Variants in RSU1 observed in about 807,000 individuals in gnomAD.
The protein encoded by RSU1 is rsu-1.
RSU1 carries 26 observed loss-of-function variants against 31.1 expected under a neutral mutation model. The observed-to-expected ratio is 0.84, with a 90% CI of 0.61 to 1.16. The LOEUF is 1.16. Ranked by LOEUF, RSU1 falls within the 50% of genes most tolerant of loss-of-function variation. The probability of loss-of-function intolerance (pLI) is 0.00; values close to 1 mark genes in which losing one functional copy is unlikely to be tolerated. For missense variants in RSU1, 320 were observed against 339.1 expected (o/e 0.94, Z 0.44); for synonymous variants, 164 against 136.3 (o/e 1.20, Z -1.41).
At chr10:16,656,102 T>A (rs1392053461) in intron 8 of RSU1, among the ~76,000 whole-genome samples, 1 of 152,146 alleles carries the variant, frequency 6.6e-6, no homozygotes, top group Non-Finnish European at 1.5e-5. Context: ...AAAAAATAAA[T>A]TAGGTTGCAC....
intron 7 of RSU1, among the ~76,000 whole-genome samples, chr10:16,728,587 C>T (rs1052394639): frequency 6.6e-6 from 1 of 152,154 alleles, no homozygotes; most frequent in African/African-American, 2.4e-5. Flanking sequence ...GGGGTGATGG[C>T]TCCCCAAATA....
intron 8 of RSU1, among the ~76,000 whole-genome samples, chr10:16,627,033 C>T (rs1834170387): frequency 6.6e-6 from 1 of 152,214 alleles, no homozygotes; most frequent in African/African-American, 2.4e-5. Flanking sequence ...TATTCCTGTG[C>T]AAATGAGGTG....
intron 2 of RSU1, among the ~76,000 whole-genome samples, chr10:16,792,133 A>C (rs1837931172): frequency 6.6e-6 from 1 of 152,182 alleles, no homozygotes; most frequent in Non-Finnish European, 1.5e-5. Context: ...AGGTTCTGTA[A>C]CGTTGGTCAT....
chr10:16,607,242 C>T (rs1330553930), intron 8 of RSU1, among the ~76,000 whole-genome samples: 1 of 152,284 alleles, frequency 6.6e-6, no homozygotes, highest in African/African-American at 2.4e-5. Context: ...TCTAAGTTTC[C>T]TGAGACCTCC....
chr10:16,699,468 C>T (rs996255330), intron 7 of RSU1, among the ~76,000 whole-genome samples: 10 of 152,236 alleles, frequency 6.6e-5, no homozygotes, highest in Non-Finnish European at 1.0e-4. Flanking sequence ...CAGAGCTCGT[C>T]TGTCAGCTGT....
chr10:16,811,609 C>T (rs1039552157), intron 2 of RSU1, among the ~76,000 whole-genome samples: 3 of 152,206 alleles, frequency 2.0e-5, no homozygotes, highest in Non-Finnish European at 4.4e-5. Context: ...AATGCCATTA[C>T]CGATTCAGTC....
intron 8 of RSU1, among the ~76,000 whole-genome samples, chr10:16,623,957 G>T (rs1834114431): frequency 6.6e-6 from 1 of 152,080 alleles, no homozygotes; most frequent in South Asian, 2.1e-4. Flanking sequence ...TGGCTCCTTA[G>T]ATCTTAGACC....
At position 16,752,933 on chromosome 10, in the gene RSU1, G is replaced by A. The variant is rs1262491357; in HGVS notation, c.468C>T (p.Leu156=). 6.2e-7 allele frequency: 1 copy of A among 1,613,888 alleles called. No homozygotes were observed. The highest frequency in any genetic ancestry group is 1.1e-5 in the South Asian group (1 of 91,074). The change falls in exon 6 of 9, where the codon CTC becomes CTT. Residue 156 remains leucine (L), a synonymous_variant. Transcript: ENST00000345264. ...AATTACTTACTATCTGCAACTTTGT[G>A]AGCTTCCCAATATCTGGCGGCAGGA... ...FEILPPDIGK[L]TKLQILSLRD...
At chr10:16,770,135 T>C (rs1173547195) in intron 3 of RSU1, among the ~76,000 whole-genome samples, 1 of 152,014 alleles carries the variant, frequency 6.6e-6, no homozygotes, top group African/African-American at 2.4e-5. Flanking sequence ...ACAGATCGGC[T>C]TGGGTGCAGC....
intron 7 of RSU1, among the ~76,000 whole-genome samples, chr10:16,750,661 C>T (rs1836958816): frequency 1.3e-5 from 2 of 151,902 alleles, no homozygotes; most frequent in Admixed American, 6.6e-5. Flanking sequence ...TTTATTTTTC[C>T]GTTTCTACTA....
chr10:16,659,777 A>G (rs1010801677), intron 8 of RSU1, among the ~76,000 whole-genome samples: 7 of 152,194 alleles, frequency 4.6e-5, no homozygotes, highest in Admixed American at 3.9e-4. Context: ...TAGCTTGTCA[A>G]TTTGAACTCT....
rs540314620 is a variant in RSU1, at chr10:16,757,247, A to T, written c.282-2258T>A. Among the ~76,000 whole-genome samples, 105 of 150,786 alleles carry T rather than the reference A, an allele frequency of 7.0e-4. 1 individual carries two copies. Among genetic ancestry groups the T allele is most frequent in the East Asian group, 6.0e-3 (30 of 5,040 alleles). On this transcript the variant is annotated intron_variant, in intron 4 of 8. Coordinates refer to ENST00000345264, the MANE Select transcript of RSU1 (RefSeq NM_012425.4). ...TGAGCATACTTAAAAGCCAATTTTT[A>T]AAAAAAAAATTTAATAAAAGTTGAC...
intron 7 of RSU1, among the ~76,000 whole-genome samples, chr10:16,719,836 C>T (rs112834649): frequency 0.011 from 1,699 of 152,296 alleles, 26 homozygotes; most frequent in African/African-American, 0.039. Flanking sequence ...AAAAAGAAAA[C>T]AAAAATGTTT....
chr10:16,672,027 G>C (rs560946003), intron 8 of RSU1, among the ~76,000 whole-genome samples: 2 of 151,204 alleles, frequency 1.3e-5, no homozygotes, highest in Non-Finnish European at 2.9e-5. Flanking sequence ...GGCCAGACGC[G>C]GTGGCTCATG....
intron 8 of RSU1, among the ~76,000 whole-genome samples, chr10:16,662,547 C>A (rs971410751): frequency 6.6e-6 from 1 of 152,104 alleles, no homozygotes. Context: ...CTACTTTAAC[C>A]CTGATGGACT....
At chr10:16,701,507 T>A (rs1454056006) in intron 7 of RSU1, among the ~76,000 whole-genome samples, 1 of 152,188 alleles carries the variant, frequency 6.6e-6, no homozygotes, top group African/African-American at 2.4e-5. Context: ...AACACATTTT[T>A]AAAAGAGGCA....
At chr10:16,718,424 T>G (rs995443474) in intron 7 of RSU1, among the ~76,000 whole-genome samples, 1 of 152,252 alleles carries the variant, frequency 6.6e-6, no homozygotes, top group Non-Finnish European at 1.5e-5. Context: ...TTTATCATTT[T>G]ATTTGATTAT....
At chr10:16,799,724 T>C (rs891052277) in intron 2 of RSU1, among the ~76,000 whole-genome samples, 1 of 151,902 alleles carries the variant, frequency 6.6e-6, no homozygotes, top group Non-Finnish European at 1.5e-5. Context: ...AACAGAGAAA[T>C]GATTTAGCAG....
intron 2 of RSU1, among the ~76,000 whole-genome samples, chr10:16,800,888 T>C (rs527501175): frequency 1.3e-5 from 2 of 151,808 alleles, no homozygotes; most frequent in African/African-American, 4.8e-5. Flanking sequence ...AAACGGAATA[T>C]GTTGTGAGAA....
Sources: gnomAD v4.1 joint callset for allele counts (sites outside exome capture counted in the v4.1 genomes callset) on GRCh38, gnomAD v4.1.1 for gene constraint, MANE v1.5 for transcripts, NCBI Gene and HGNC (gene_info 2026-07-23, HGNC 2026-07-21) for gene names.